ZNF264: variants seen among roughly 807,000 people sequenced by gnomAD.
ZNF264 encodes zinc finger protein 264.
In ZNF264, 11 loss-of-function variants were observed where a neutral mutation model predicts 11.2. The observed-to-expected ratio is 0.98, with a 90% CI of 0.62 to 1.63. ZNF264 has a LOEUF of 1.63. Among genes scored for constraint, ZNF264 ranks in the 40% most tolerant of loss-of-function variants. The pLI is 0.00. For synonymous variants in ZNF264, 309 were observed against 279.8 expected, an observed-to-expected ratio of 1.10 and a Z score of -1.04; for missense variants, 752 against 768.1, an observed-to-expected ratio of 0.98 and a Z score of 0.25.
chr19:57,210,997 C>T (rs57348248), intron 3 of ZNF264, among the ~76,000 whole-genome samples: 5,719 of 152,282 alleles, frequency 0.038, 370 homozygotes, highest in African/African-American at 0.13. Flanking sequence ...TTAGGTGCTC[C>T]TTCCTCGTGT....
At chr19:57,202,193 G>A (rs1398660677) in intron 2 of ZNF264, among the ~76,000 whole-genome samples, 1 of 151,848 alleles carries the variant, frequency 6.6e-6, no homozygotes, top group Admixed American at 6.6e-5. Context: ...CTGGGCGACA[G>A]AGTGAGACCC....
chr19:57,193,743 C>T (rs1427928697), intron 1 of ZNF264, 132 bp from the exon 2 acceptor site: 8 of 1,333,636 alleles, frequency 6.0e-6, no homozygotes, highest in Non-Finnish European at 7.2e-6. Flanking sequence ...GAGCCCAGCA[C>T]AGAGCTAGGC....
rs1002167437 is a variant in ZNF264 at position 57,217,427 on chromosome 19, CTTTT to C, written c.*4451_*4454del. ...GTTGCAAGATGTAATTTTTCTTTTC[CTTTT>C]TTTTGAGACCAAGTCTCACTCTGTC... On this transcript the variant is annotated 3_prime_UTR_variant, in exon 4 of 4. Transcript: ENST00000263095. 1 of 151,610 alleles carries C rather than the reference CTTTT, an allele frequency of 6.6e-6. No individual in the cohort carries two copies. The allele number at this position is 151,610 out of a possible 1,614,324, so 9.4% of individuals were successfully genotyped here. A position where few individuals can be genotyped will look rare whatever the true frequency, so the allele number is the denominator to read the frequency against.
In ZNF264 at chr19:57,218,241, G is replaced by A. The variant is rs2087394106; in HGVS notation, c.*5260G>A. ...CAAAGAATATTTTTGTGGAATATAAGATTCAGAGTTGGCAGTTGTTTTCTT... is the reference window on the plus strand; with the variant it reads ...CAAAGAATATTTTTGTGGAATATAAAATTCAGAGTTGGCAGTTGTTTTCTT... On this transcript the variant is annotated 3_prime_UTR_variant, in exon 4 of 4. Transcript: ENST00000263095. 1 of 152,078 alleles carries A rather than the reference G, an allele frequency of 6.6e-6. No homozygotes were observed. Among genetic ancestry groups the A allele is most frequent in the African/African-American group, 2.4e-5 (1 of 41,412 alleles). The allele number at this position is 152,078 out of a possible 1,614,324, so 9.4% of individuals were successfully genotyped here. A position where few individuals can be genotyped will look rare whatever the true frequency, so the allele number is the denominator to read the frequency against.
At chr19:57,209,671 G>T (rs750008557) in intron 3 of ZNF264, among the ~76,000 whole-genome samples, 1 of 152,116 alleles carries the variant, frequency 6.6e-6, no homozygotes, top group South Asian at 2.1e-4. Context: ...TGAATTTTGC[G>T]GCTGAAGCAA....
At position 57,194,080 on chromosome 19, in the gene ZNF264, G is replaced by T. The variant is rs2087195143; in HGVS notation, c.160+79G>T. ...CCATCTTCTGACTCCAGGCCTGGCT[G>T]CACAAGAAGGCCTCTAGAATCTACC... On this transcript the variant is annotated intron_variant, in intron 2 of 3. Coordinates refer to ENST00000263095, the MANE Select transcript of ZNF264 (RefSeq NM_003417.5). 2.0e-6 allele frequency: 3 copies of T among 1,519,304 alleles called. No homozygotes were observed. In the African/African-American group the frequency reaches 4.2e-5, roughly 21 times the overall value. The allele number at this position is 1,519,304 out of a possible 1,614,324, so 94.1% of individuals were successfully genotyped here. A position where few individuals can be genotyped will look rare whatever the true frequency, so the allele number is the denominator to read the frequency against.
At chr19:57,205,846 CTAAGT>C (rs1205133997) in intron 3 of ZNF264, among the ~76,000 whole-genome samples, 1 of 152,136 alleles carries the variant, frequency 6.6e-6, no homozygotes, top group African/African-American at 2.4e-5. Context: ...ATAACTTCAG[CTAAGT>C]TAACAGTAGC....
intron 2 of ZNF264, chr19:57,194,897 G>A (rs780867769): frequency 2.5e-6 from 1 of 399,814 alleles, no homozygotes; most frequent in Non-Finnish European, 4.4e-6. Flanking sequence ...ACTGTTACTG[G>A]TGGGAAGTAT....
In ZNF264 at chr19:57,212,820, C is replaced by G; in HGVS notation, c.1723C>G (p.Pro575Ala). ...CATCAGTGTAACAGATGTGGGAAGACCTTTTACAAGTGGACAAACCTCAGT... is the reference window on the plus strand; with the variant it reads ...CATCAGTGTAACAGATGTGGGAAGAGCTTTTACAAGTGGACAAACCTCAGT... Reference protein sequence around the residue: ...NPISVTDVGRPFTSGQTSVTL... With the variant: ...NPISVTDVGRAFTSGQTSVTL... Residue 575 changes from proline (P) to alanine (A), a missense_variant, in exon 4 of 4, where the codon CCT (proline) becomes GCT (alanine). Pro to Ala is a conservative substitution (Grantham distance 27, BLOSUM62 -1). Transcript: ENST00000263095. 6.2e-7 allele frequency: 1 copy of G among 1,614,210 alleles called. No homozygotes were observed. The highest frequency in any genetic ancestry group is 8.5e-7 in the Non-Finnish European group (1 of 1,180,036).
chr19:57,196,098 A>G (rs563041410), intron 2 of ZNF264, among the ~76,000 whole-genome samples: 2 of 151,972 alleles, frequency 1.3e-5, no homozygotes, highest in South Asian at 4.1e-4. Context: ...TAGTTGGAGT[A>G]ATTATGACTA....
chr19:57,194,988 G>A (rs374137734), intron 2 of ZNF264: 1 of 385,236 alleles, frequency 2.6e-6, no homozygotes, highest in South Asian at 1.5e-4. Flanking sequence ...TCCGTTTCAA[G>A]TGTTTGGAGC....
At position 57,200,503 on chromosome 19, in the gene ZNF264, G is replaced by A. The variant is rs142839241; in HGVS notation, c.161-4894G>A. ...CTGTTTTACTCCCCCACCCCACCCC[G>A]ACCTTTGGGTCTTGTCTTTTTCTTT... On this transcript the variant is annotated intron_variant, in intron 2 of 3. Transcript: ENST00000263095. Among the ~76,000 whole-genome samples, 776 of 148,896 alleles carry A rather than the reference G, an allele frequency of 5.2e-3. 8 individuals are homozygous for A. The highest frequency in any genetic ancestry group is 8.1e-3 in the Non-Finnish European group (546 of 67,528).
At position 57,213,038 on chromosome 19, in the gene ZNF264, G is replaced by A. The variant is rs943687737; in HGVS notation, c.*57G>A. 33 of 1,525,384 alleles carry A rather than the reference G, an allele frequency of 2.2e-5. No homozygotes were observed. Among genetic ancestry groups the A allele is most frequent in the African/African-American group, 1.1e-4 (8 of 72,436 alleles). The allele number at this position is 1,525,384 out of a possible 1,614,324, so 94.5% of individuals were successfully genotyped here. On this transcript the variant is annotated 3_prime_UTR_variant, in exon 4 of 4. Transcript: ENST00000263095. ...ATCTGAAGAGTCATATTAGAAATTCGTTCAGTCTAGAGCCTTATTCTCCAT... is the reference window on the plus strand; with the variant it reads ...ATCTGAAGAGTCATATTAGAAATTCATTCAGTCTAGAGCCTTATTCTCCAT...
In ZNF264 at chr19:57,214,030, A is replaced by G. The variant is rs1023241058; in HGVS notation, c.*1049A>G. On this transcript the variant is annotated 3_prime_UTR_variant, in exon 4 of 4. Transcript: ENST00000263095. The stretch of plus-strand genomic sequence containing the variant: ...GATGTTTGAACTTTGAATTGCACAC[A>G]ATTTTTGGTAGTATACAGAAATATA... 1 of 152,152 alleles carries G rather than the reference A, an allele frequency of 6.6e-6. No individual in the cohort carries two copies. Among genetic ancestry groups the G allele is most frequent in the Admixed American group, 6.5e-5 (1 of 15,274 alleles). The allele number at this position is 152,152 out of a possible 1,614,324, so 9.4% of individuals were successfully genotyped here.
rs1056609941 is a variant in ZNF264 at position 57,222,303 on chromosome 19, T to G, written c.*9322T>G. 1 of 140,688 alleles carries G rather than the reference T, an allele frequency of 7.1e-6. No individual in the cohort carries two copies. The highest frequency in any genetic ancestry group is 1.5e-5 in the Non-Finnish European group (1 of 66,722). 8.7% of individuals were successfully genotyped at this position (140,688 alleles called of 1,614,324 possible). On this transcript the variant is annotated 3_prime_UTR_variant, in exon 4 of 4. Transcript: ENST00000263095. ...CAGAGGTTGCAGTGAGCCGAGATCA[T>G]GCCACTGCACTCCAGCCTGGGTGAC...
At chr19:57,198,780 A>G (rs1300925698) in intron 2 of ZNF264, among the ~76,000 whole-genome samples, 1 of 151,902 alleles carries the variant, frequency 6.6e-6, no homozygotes, top group Non-Finnish European at 1.5e-5. Flanking sequence ...TTACCCTGGT[A>G]AAAAGCCAGA....
chr19:57,213,162 A>C lies in ZNF264; in HGVS notation c.*181A>C. 1 of 526,374 alleles carries C rather than the reference A, an allele frequency of 1.9e-6. No homozygotes were observed. Among genetic ancestry groups the C allele is most frequent in the Non-Finnish European group, 3.2e-6 (1 of 317,174 alleles). 32.6% of individuals were successfully genotyped at this position (526,374 alleles called of 1,614,324 possible). A position where few individuals can be genotyped will look rare whatever the true frequency, so the allele number is the denominator to read the frequency against. The stretch of plus-strand genomic sequence containing the variant: ...TTAGTTTACAGTGCAATTTTATCTC[A>C]GGAATTATTTTTAAAAGGAGGAGGG... On this transcript the variant is annotated 3_prime_UTR_variant, in exon 4 of 4. Transcript: ENST00000263095.
rs908103063 is a variant in ZNF264, at chr19:57,215,182, C to T, written c.*2201C>T. Reference sequence around the variant, plus strand: ...TCATGTTTGATGACCTCTAGTCAACCATTGGGCCAGAGATTTTTCTTCTGG... The same window carrying T: ...TCATGTTTGATGACCTCTAGTCAACTATTGGGCCAGAGATTTTTCTTCTGG... On this transcript the variant is annotated 3_prime_UTR_variant, in exon 4 of 4. Transcript: ENST00000263095. The T allele has an allele frequency of 2.0e-5, 3 of 152,134 alleles. No homozygotes were observed. The highest frequency in any genetic ancestry group is 7.2e-5 in the African/African-American group (3 of 41,414). 9.4% of individuals were successfully genotyped at this position (152,134 alleles called of 1,614,324 possible).
intron 2 of ZNF264, 100 bp downstream of exon 2, chr19:57,194,101 C>CT: frequency 6.8e-7 from 1 of 1,476,614 alleles, no homozygotes; most frequent in Non-Finnish European, 9.1e-7. Flanking sequence ...CCTCTAGAAT[C>CT]TACCTTGCCT....
Sources: allele counts gnomAD v4.1 joint callset (sites outside exome capture counted in the v4.1 genomes callset), GRCh38; gene constraint gnomAD v4.1.1; transcripts MANE v1.5; gene names NCBI Gene and HGNC (gene_info 2026-07-23, HGNC 2026-07-21).